Variants in NRG4 observed in about 807,000 individuals in gnomAD.
The protein encoded by NRG4 is neuregulin 4.
Under a neutral mutation model 15.0 loss-of-function variants are expected in NRG4, and 10 were observed. The ratio of observed to expected loss-of-function variants is 0.67; its 90% CI spans 0.41 to 1.13. The LOEUF (loss-of-function observed/expected upper bound fraction) is 1.13. NRG4 is among the 50% of genes most tolerant of loss of function. The pLI, the probability that NRG4 is intolerant of heterozygous loss-of-function variation, is 0.00. For synonymous variants in NRG4, 41 were observed against 50.1 expected (o/e 0.82, Z 0.77); for missense variants, 139 against 140.2 (o/e 0.99, Z 0.04).
intron 5 of NRG4, among the ~76,000 whole-genome samples, chr15:76,021,912 T>A (rs1331706603): frequency 6.6e-6 from 1 of 152,160 alleles, no homozygotes; most frequent in Non-Finnish European, 1.5e-5. Context: ...TGGACTGGGG[T>A]GGCGGATGGT....
chr15:76,014,735 T>C (rs1414926416), upstream of NRG4, among the ~76,000 whole-genome samples: 1 of 152,224 alleles, frequency 6.6e-6, no homozygotes, highest in Non-Finnish European at 1.5e-5. Flanking sequence ...CATGCTGTTT[T>C]GGTTACTGTA....
chr15:75,976,719 T>C (rs1272105647), intron 3 of NRG4, among the ~76,000 whole-genome samples: 1 of 152,078 alleles, frequency 6.6e-6, no homozygotes, highest in African/African-American at 2.4e-5. Context: ...CCTAGAGGGG[T>C]ACCCGCCAGA....
At chr15:75,993,391 G>GTA (rs2034096852) in intron 3 of NRG4, among the ~76,000 whole-genome samples, 1 of 69,388 alleles carries the variant, frequency 1.4e-5, no homozygotes, top group Non-Finnish European at 2.6e-5. Context: ...TGAGGATTCT[G>GTA]TAAAAAAAAA....
At chr15:76,010,634 AT>A (rs758434111) in intron 2 of NRG4, among the ~76,000 whole-genome samples, 1 of 152,068 alleles carries the variant, frequency 6.6e-6, no homozygotes, top group African/African-American at 2.4e-5. Context: ...ATGCTTTTAG[AT>A]TTTTTTCTTT....
chr15:75,959,150 T>TAA, intron 4 of NRG4: 42 of 372,400 alleles, frequency 1.1e-4, no homozygotes, highest in South Asian at 2.4e-4. Context: ...CCTGGATAAT[T>TAA]AAAAAAAAAA....
intron 5 of NRG4, among the ~76,000 whole-genome samples, chr15:76,029,020 C>A (rs1333529628): frequency 6.6e-6 from 1 of 151,514 alleles, no homozygotes; most frequent in Non-Finnish European, 1.5e-5. Context: ...CAGGATAAAT[C>A]CTCCAATGAA....
chr15:76,038,643 C>T (rs1470614424), intron 4 of NRG4, among the ~76,000 whole-genome samples: 1 of 152,222 alleles, frequency 6.6e-6, no homozygotes. Context: ...GTCCTTAGCT[C>T]CCAGATGGCA....
rs1297048306 is a variant in NRG4 at position 75,961,993 on chromosome 15, G to A, written c.105-19C>T. ...AACGCACCTACAGAATAAAATTTTA[G>A]ATAAAGAATTGCATTCTGTGTTTCA... On this transcript the variant is annotated intron_variant, in intron 3 of 5. Transcript: ENST00000394907. 1.9e-6 allele frequency: 3 copies of A among 1,580,646 alleles called. No homozygotes were observed. The highest frequency in any genetic ancestry group is 2.6e-6 in the Non-Finnish European group (3 of 1,161,094).
chr15:76,050,586 A>G (rs1230943648), intron 4 of NRG4, among the ~76,000 whole-genome samples: 1 of 134,170 alleles, frequency 7.5e-6, no homozygotes, highest in Non-Finnish European at 1.6e-5. Context: ...ACTCACCACC[A>G]CGCTCGGCTA....
chr15:75,947,398 G>T (rs972270850), intron 5 of NRG4, among the ~76,000 whole-genome samples: 1 of 152,152 alleles, frequency 6.6e-6, no homozygotes, highest in Non-Finnish European at 1.5e-5. Flanking sequence ...GCCAGTCTTT[G>T]CTGTCTCATC....
At chr15:76,051,084 C>T (rs1229672628) in intron 4 of NRG4, among the ~76,000 whole-genome samples, 2 of 148,492 alleles carry the variant, frequency 1.3e-5, no homozygotes, top group Non-Finnish European at 3.0e-5. Flanking sequence ...CGGCTCACTG[C>T]AAGCTCCGCC....
rs139277199 is a variant in NRG4, at chr15:75,970,753, C to T, written c.105-8779G>A. Among the ~76,000 whole-genome samples, 60 of 152,356 alleles carry T rather than the reference C, an allele frequency of 3.9e-4. No homozygotes were observed. The East Asian group carries it at 0.012, about 29-fold the overall frequency. On this transcript the variant is annotated intron_variant, in intron 3 of 5. Coordinates refer to ENST00000394907, the MANE Select transcript of NRG4 (RefSeq NM_138573.4). ...AGGAAAGTGAGACAGCAAGAAAAGG[C>T]CTCACCTAGCTAAGGATGCAGGGAT...
upstream of NRG4, among the ~76,000 whole-genome samples, chr15:76,017,225 G>A (rs756703970): frequency 1.6e-4 from 23 of 139,588 alleles, no homozygotes; most frequent in South Asian, 7.1e-4. Flanking sequence ...TATTTTGAGC[G>A]TGTGTTTCTT....
chr15:76,040,837 A>G lies in NRG4; in HGVS notation c.-104-4846T>C, dbSNP rs1292763542. Among the ~76,000 whole-genome samples the G allele has an allele frequency of 3.9e-5, 6 of 152,216 alleles. No homozygotes were observed. The East Asian group carries it at 1.2e-3, about 29-fold the overall frequency. On this transcript the variant is annotated intron_variant, in intron 4 of 8. Transcript: ENST00000563910. Reference sequence around the variant, plus strand: ...CTACTAGGGAGGCTAAGGCAGGAAAATCGTTTGAACCCAGGAGGCAGAGGT... The same window carrying G: ...CTACTAGGGAGGCTAAGGCAGGAAAGTCGTTTGAACCCAGGAGGCAGAGGT...
At chr15:76,023,876 G>A (rs1481594859) in intron 5 of NRG4, among the ~76,000 whole-genome samples, 1 of 152,214 alleles carries the variant, frequency 6.6e-6, no homozygotes, top group Non-Finnish European at 1.5e-5. Flanking sequence ...ACCCGCTGCT[G>A]AGCCAGCTAA....
intron 5 of NRG4, among the ~76,000 whole-genome samples, chr15:75,948,617 A>T (rs1052376240): frequency 6.7e-6 from 1 of 149,944 alleles, no homozygotes; most frequent in Non-Finnish European, 1.5e-5. Context: ...TAATTTTTGT[A>T]TATGGTGATA....
At chr15:76,021,913 G>T (rs1035468119) in intron 5 of NRG4, among the ~76,000 whole-genome samples, 1 of 152,222 alleles carries the variant, frequency 6.6e-6, no homozygotes, top group African/African-American at 2.4e-5. Flanking sequence ...GGACTGGGGT[G>T]GCGGATGGTT....
chr15:76,055,016 A>G (rs1245849970), intron 2 of NRG4, among the ~76,000 whole-genome samples: 1 of 134,058 alleles, frequency 7.5e-6, no homozygotes, highest in African/African-American at 2.6e-5. Context: ...ACAGTGGCTC[A>G]TGCCTATAAT....
chr15:75,957,941 G>GA (rs973504648), intron 4 of NRG4, among the ~76,000 whole-genome samples: 1 of 152,028 alleles, frequency 6.6e-6, no homozygotes, highest in Non-Finnish European at 1.5e-5. Context: ...AATTATATTT[G>GA]ATTCATTGGA....
Sources: gnomAD v4.1 joint callset for allele counts (sites outside exome capture counted in the v4.1 genomes callset) on GRCh38, gnomAD v4.1.1 for gene constraint, MANE v1.5 for transcripts, NCBI Gene and HGNC (gene_info 2026-07-23, HGNC 2026-07-21) for gene names.